RFX6: variants seen among roughly 807,000 people sequenced by gnomAD.
RFX6 encodes the protein regulatory factor X6.
In RFX6, 50 loss-of-function variants were observed where a neutral mutation model predicts 110.8. The observed-to-expected ratio is 0.45, with a 90% confidence interval of 0.36 to 0.57. The LOEUF (loss-of-function observed/expected upper bound fraction) is 0.57. RFX6 is among the 20% of genes least tolerant of loss of function. The pLI is 0.00. For synonymous variants in RFX6, 383 were observed against 411.2 expected, an observed-to-expected ratio of 0.93 and a Z score of 0.83; for missense variants, 990 against 1,127.0, an observed-to-expected ratio of 0.88 and a Z score of 1.74.
At chr6:116,898,364 C>G (rs981511902) in intron 6 of RFX6, among the ~76,000 whole-genome samples, 6 of 152,096 alleles carry the variant, frequency 3.9e-5, no homozygotes, top group African/African-American at 1.2e-4. Context: ...GGGTCTCACT[C>G]TGTCACCCAG....
intron 3 of RFX6, among the ~76,000 whole-genome samples, chr6:116,881,207 G>T (rs1037862138): frequency 6.6e-6 from 1 of 151,968 alleles, no homozygotes; most frequent in Non-Finnish European, 1.5e-5. Context: ...GTTAGGATGG[G>T]AATCTATATA....
At chr6:116,922,867 T>C (rs1775631549) in intron 13 of RFX6, among the ~76,000 whole-genome samples, 1 of 152,204 alleles carries the variant, frequency 6.6e-6, no homozygotes, top group African/African-American at 2.4e-5. Flanking sequence ...AATTATTTCA[T>C]TTTGTTGTCT....
intron 3 of RFX6, among the ~76,000 whole-genome samples, chr6:116,881,763 G>C (rs1313010703): frequency 6.6e-6 from 1 of 152,030 alleles, no homozygotes; most frequent in Non-Finnish European, 1.5e-5. Flanking sequence ...AAACTGTAGA[G>C]CCAGCCTCCA....
chr6:116,929,425 G>A (rs1775833250), intron 18 of RFX6, among the ~76,000 whole-genome samples: 1 of 152,080 alleles, frequency 6.6e-6, no homozygotes, highest in African/African-American at 2.4e-5. Flanking sequence ...CTGGTGTCCT[G>A]TGATGGGTGC....
At chr6:116,910,809 C>T (rs1055437190) in intron 6 of RFX6, 126 bp from the exon 7 acceptor site, 28 of 753,460 alleles carry the variant, frequency 3.7e-5, no homozygotes, top group Middle Eastern at 3.6e-4. Context: ...ACTCAAATCT[C>T]GTAAATTCTC....
intron 6 of RFX6, among the ~76,000 whole-genome samples, chr6:116,900,200 C>T (rs1775036091): frequency 6.6e-6 from 1 of 152,140 alleles, no homozygotes; most frequent in African/African-American, 2.4e-5. Flanking sequence ...TGCACCAAGT[C>T]TTTAAAGTAT....
chr6:116,880,838 A>G (rs1344389285), intron 3 of RFX6, among the ~76,000 whole-genome samples, 171 bp downstream of exon 3: 1 of 152,042 alleles, frequency 6.6e-6, no homozygotes, highest in African/African-American at 2.4e-5. Flanking sequence ...TTATAACTTG[A>G]TTTTGAATAT....
chr6:116,900,535 G>A (rs1187253538), intron 6 of RFX6, among the ~76,000 whole-genome samples: 2 of 152,074 alleles, frequency 1.3e-5, no homozygotes, highest in Non-Finnish European at 2.9e-5. Flanking sequence ...GATGACAGGT[G>A]TGAGCCACCG....
intron 6 of RFX6, among the ~76,000 whole-genome samples, chr6:116,910,208 A>G (rs1040540405): frequency 2.6e-5 from 4 of 152,174 alleles, no homozygotes; most frequent in African/African-American, 9.7e-5. Flanking sequence ...ACAATCAGTT[A>G]TGGCCTGGGA....
chr6:116,907,363 T>C (rs1051410136), intron 6 of RFX6, among the ~76,000 whole-genome samples: 3 of 152,124 alleles, frequency 2.0e-5, no homozygotes, highest in African/African-American at 7.2e-5. Flanking sequence ...CAGGGCAATA[T>C]TGGCCTCATA....
At chr6:116,928,629 G>A (rs1775806529) in intron 17 of RFX6, 130 bp from the exon 18 acceptor site, 2 of 718,032 alleles carry the variant, frequency 2.8e-6, no homozygotes, top group East Asian at 2.6e-5. Flanking sequence ...TCTGTAGCAT[G>A]TATAGATACA....
chr6:116,912,091 C>T (rs1168402915), intron 7 of RFX6, among the ~76,000 whole-genome samples: 1 of 152,070 alleles, frequency 6.6e-6, no homozygotes, highest in East Asian at 1.9e-4. Context: ...GAGAAGAAAA[C>T]TAAATACTAC....
intron 9 of RFX6, among the ~76,000 whole-genome samples, chr6:116,917,371 G>T (rs116437601): frequency 1.4e-4 from 21 of 147,010 alleles, no homozygotes; most frequent in Admixed American, 8.8e-4. Context: ...GAATATGAAT[G>T]CCATTATTTA....
intron 7 of RFX6, among the ~76,000 whole-genome samples, chr6:116,914,222 C>T (rs1353255212): frequency 6.6e-6 from 1 of 152,036 alleles, no homozygotes; most frequent in East Asian, 1.9e-4. Context: ...TAACATAATG[C>T]CCTCCAGTTC....
At chr6:116,882,569 G>GAAAAAAAA (rs34335008) in intron 4 of RFX6, 141 bp downstream of exon 4, 1 of 430,304 alleles carries the variant, frequency 2.3e-6, no homozygotes. Flanking sequence ...TGTGAGAACT[G>GAAAAAAAA]AAAAAAAAAA....
At position 116,877,452 on chromosome 6, in the gene RFX6, CG is replaced by C; in HGVS notation, c.181del (p.Glu61ArgfsTer12). On this transcript the variant is annotated frameshift_variant, in exon 1 of 19. Coordinates refer to ENST00000332958, the MANE Select transcript of RFX6 (RefSeq NM_173560.4). LOFTEE classifies it high-confidence loss of function. ...EGQPGGEQGG[G>X]EKGEDPELPG... Reference sequence around the variant, plus strand: ...GGCAGCCCGGGGGCGAGCAGGGCGGCGGGGAGAAAGGCGAAGACCCGGAGCT... The same window carrying C: ...GGCAGCCCGGGGGCGAGCAGGGCGGCGGGAGAAAGGCGAAGACCCGGAGCT... The C allele has an allele frequency of 6.3e-7, 1 of 1,577,474 alleles. No homozygotes were observed.
Position 116,877,259 on chromosome 6 carries a change from G to A in RFX6, c.-17G>A, listed in dbSNP as rs1433890556. On this transcript the variant is annotated 5_prime_UTR_variant, in exon 1 of 19. Coordinates refer to ENST00000332958, the MANE Select transcript of RFX6 (RefSeq NM_173560.4). Reference sequence around the variant, plus strand: ...CCGGCCGAGCGGCGCGCGCGGAGGTGTCCGGCGGCCAGGAGGATGGCCAAG... The same window carrying A: ...CCGGCCGAGCGGCGCGCGCGGAGGTATCCGGCGGCCAGGAGGATGGCCAAG... The A allele has an allele frequency of 6.3e-7, 1 of 1,594,652 alleles. No individual in the cohort carries two copies. The highest frequency in any genetic ancestry group is 1.3e-5 in the African/African-American group (1 of 74,202).
chr6:116,887,416 C>T (rs1774722730), intron 4 of RFX6, among the ~76,000 whole-genome samples: 1 of 152,182 alleles, frequency 6.6e-6, no homozygotes, highest in Non-Finnish European at 1.5e-5. Flanking sequence ...AGAAAACCAG[C>T]AACCCCAGCG....
At chr6:116,898,299 G>C (rs148970797) in intron 6 of RFX6, among the ~76,000 whole-genome samples, 176 of 152,202 alleles carry the variant, frequency 1.2e-3, no homozygotes, top group Non-Finnish European at 2.1e-3. Flanking sequence ...CAAGTTCAGG[G>C]TGATAATTGG....
Sources: gnomAD v4.1 joint callset for allele counts (sites outside exome capture counted in the v4.1 genomes callset) on GRCh38, gnomAD v4.1.1 for gene constraint, MANE v1.5 for transcripts, NCBI Gene and HGNC (gene_info 2026-07-23, HGNC 2026-07-21) for gene names.